Variants in CACNA2D1 observed in about 807,000 individuals in gnomAD.
CACNA2D1 encodes calcium voltage-gated channel auxiliary subunit alpha2delta 1, also known as voltage-dependent calcium channel subunit alpha-2/delta-1.
Under a neutral mutation model 171.5 loss-of-function variants are expected in CACNA2D1, and 53 were observed. That is an observed-to-expected ratio of 0.31 (90% CI 0.25 to 0.39). CACNA2D1 has a LOEUF of 0.39. Among genes scored for constraint, CACNA2D1 ranks in the 10% least tolerant of loss-of-function variants. The pLI is 1.00. For missense variants in CACNA2D1, 903 were observed against 1,299.8 expected (o/e 0.69, Z 4.69); for synonymous variants, 442 against 443.1 (o/e 1.00, Z 0.03).
chr7:82,048,334 A>T (rs745757194), intron 10 of CACNA2D1, among the ~76,000 whole-genome samples: 1 of 152,186 alleles, frequency 6.6e-6, no homozygotes, highest in African/African-American at 2.4e-5. Flanking sequence ...ATTTTAAAAT[A>T]TATTTTAAAG....
chr7:81,996,507 A>C (rs544311297), intron 19 of CACNA2D1, among the ~76,000 whole-genome samples: 1 of 152,116 alleles, frequency 6.6e-6, no homozygotes, highest in Admixed American at 6.6e-5. Flanking sequence ...GCTACTTATT[A>C]GCTGAAGAAC....
chr7:82,135,419 T>C (rs929608339), intron 5 of CACNA2D1, among the ~76,000 whole-genome samples: 1 of 152,078 alleles, frequency 6.6e-6, no homozygotes, highest in African/African-American at 2.4e-5. Flanking sequence ...ATTAAAATAA[T>C]ATATACAATC....
intron 3 of CACNA2D1, among the ~76,000 whole-genome samples, chr7:82,188,041 C>T (rs891203872): frequency 2.6e-5 from 4 of 152,108 alleles, no homozygotes; most frequent in African/African-American, 7.2e-5. Flanking sequence ...AAAATAGAAG[C>T]CTCAGATGAC....
intron 1 of CACNA2D1, among the ~76,000 whole-genome samples, chr7:82,440,945 T>C (rs1245610824): frequency 1.3e-5 from 2 of 151,778 alleles, no homozygotes; most frequent in African/African-American, 4.8e-5. Context: ...TACATTACTT[T>C]TTCTGTGAAA....
At chr7:81,990,426 A>G (rs37094) in intron 21 of CACNA2D1, among the ~76,000 whole-genome samples, 3,322 of 152,086 alleles carry the variant, frequency 0.022, 124 homozygotes, top group African/African-American at 0.075. Context: ...TGTAGGAGAG[A>G]GTGACAATGA....
chr7:82,109,735 A>G (rs1055651630), intron 6 of CACNA2D1, among the ~76,000 whole-genome samples: 1 of 152,200 alleles, frequency 6.6e-6, no homozygotes, highest in Non-Finnish European at 1.5e-5. Context: ...TAACTTTGCT[A>G]TTTGGGGATT....
chr7:82,138,440 G>GTTTTTTTTTTTTTTTTTTTTTTT (rs1423711232), intron 4 of CACNA2D1, among the ~76,000 whole-genome samples: 2 of 95,352 alleles, frequency 2.1e-5, no homozygotes, highest in African/African-American at 7.2e-5. Context: ...TGTTTTTTTT[G>GTTTTTTTTTTTTTTTTTTTTTTT]TTTTTTTTGT....
At chr7:82,204,389 G>A (rs185409252) in intron 3 of CACNA2D1, among the ~76,000 whole-genome samples, 1 of 152,306 alleles carries the variant, frequency 6.6e-6, no homozygotes, top group Admixed American at 6.5e-5. Flanking sequence ...AAGACCTAGG[G>A]GAGGAAGGAT....
At chr7:82,359,065 CAATT>C (rs1224588877) in intron 1 of CACNA2D1, among the ~76,000 whole-genome samples, 4 of 152,114 alleles carry the variant, frequency 2.6e-5, no homozygotes, top group African/African-American at 9.7e-5. Flanking sequence ...TTCCACATCA[CAATT>C]AGTTACAACC....
chr7:82,343,243 T>C (rs1271018386), intron 2 of CACNA2D1: 1 of 152,216 alleles, frequency 6.6e-6, no homozygotes, highest in East Asian at 1.9e-4. Context: ...AAATGGAGCA[T>C]CGTCTTTAGA....
intron 3 of CACNA2D1, among the ~76,000 whole-genome samples, chr7:82,207,699 A>C (rs1347906302): frequency 1.3e-5 from 2 of 152,150 alleles, no homozygotes; most frequent in African/African-American, 4.8e-5. Flanking sequence ...GAAGAAAAAG[A>C]AGCTGGTACT....
chr7:82,284,651 A>G (rs1810528630), intron 3 of CACNA2D1, among the ~76,000 whole-genome samples: 1 of 151,866 alleles, frequency 6.6e-6, no homozygotes, highest in South Asian at 2.1e-4. Flanking sequence ...AGGAAGGTAA[A>G]CTCTCTCCTT....
At chr7:82,361,735 C>T (rs996895693) in intron 1 of CACNA2D1, among the ~76,000 whole-genome samples, 9 of 151,962 alleles carry the variant, frequency 5.9e-5, no homozygotes, top group African/African-American at 9.7e-5. Flanking sequence ...GACTAATGTA[C>T]GTACAGTTAT....
rs573600336 is a variant in CACNA2D1 at position 82,026,831 on chromosome 7, TC to T, written c.1143+5965del. 4.4e-3 allele frequency among the ~76,000 whole-genome samples: 672 copies of T among 151,874 alleles called. 8 individuals carry two copies. The highest frequency in any genetic ancestry group is 0.016 in the African/African-American group (656 of 41,508). The stretch of plus-strand genomic sequence containing the variant: ...TAAGCACTCTACACATACACATATG[TC>T]CTGGGCATAAACAATTACTACACAA... On this transcript the variant is annotated intron_variant, in intron 12 of 38. Transcript: ENST00000356860.
chr7:82,216,042 C>A (rs1239615666), intron 3 of CACNA2D1, among the ~76,000 whole-genome samples: 3 of 152,140 alleles, frequency 2.0e-5, no homozygotes, highest in Non-Finnish European at 2.9e-5. Context: ...TAACTGAGAT[C>A]TTTCTGCTCA....
At chr7:82,155,914 A>G (rs1385187364) in intron 4 of CACNA2D1, among the ~76,000 whole-genome samples, 1 of 152,170 alleles carries the variant, frequency 6.6e-6, no homozygotes, top group African/African-American at 2.4e-5. Flanking sequence ...ACTAAGAAAT[A>G]TATCCTGCAT....
At chr7:81,990,936 G>A (rs1797482666) in intron 21 of CACNA2D1, among the ~76,000 whole-genome samples, 1 of 151,630 alleles carries the variant, frequency 6.6e-6, no homozygotes, top group Non-Finnish European at 1.5e-5. Context: ...TATTATTATG[G>A]GTATTTGTCA....
chr7:82,216,454 C>T (rs1585122972), intron 3 of CACNA2D1, among the ~76,000 whole-genome samples: 1 of 152,248 alleles, frequency 6.6e-6, no homozygotes, highest in South Asian at 2.1e-4. Context: ...AACTTTCTCA[C>T]CACACAAAGC....
chr7:82,005,666 A>G, intron 17 of CACNA2D1, 99 bp downstream of exon 17: 1 of 938,090 alleles, frequency 1.1e-6, no homozygotes, highest in Non-Finnish European at 1.7e-6. Context: ...CTTTGCTAAG[A>G]TAACTGCCCA....
Sources: allele counts gnomAD v4.1 joint callset (sites outside exome capture counted in the v4.1 genomes callset), GRCh38; gene constraint gnomAD v4.1.1; transcripts MANE v1.5; gene names NCBI Gene and HGNC (gene_info 2026-07-23, HGNC 2026-07-21).